The following ADARB2 variants were observed in gnomAD, a reference collection of about 807,000 sequenced individuals.
The protein encoded by ADARB2 is inactive double-stranded RNA-specific editase B2.
A neutral mutation model predicts 62.2 loss-of-function variants in ADARB2; 25 were observed. The ratio of observed to expected loss-of-function variants is 0.40; its 90% confidence interval spans 0.29 to 0.56. ADARB2 has a LOEUF of 0.56. Among genes scored for constraint, ADARB2 ranks in the 20% least tolerant of loss-of-function variants. The pLI is 0.43. For missense variants in ADARB2, 1,071 were observed against 1,077.4 expected (o/e 0.99, Z 0.08); for synonymous variants, 572 against 500.8 (o/e 1.14, Z -1.90).
chr10:1,207,808 C>T (rs1313113909), intron 7 of ADARB2, among the ~76,000 whole-genome samples: 1 of 152,194 alleles, frequency 6.6e-6, no homozygotes, highest in Non-Finnish European at 1.5e-5. Flanking sequence ...AACATTAGTT[C>T]CAGGAGATTT....
At chr10:1,490,821 A>C (rs571349749) in intron 1 of ADARB2, among the ~76,000 whole-genome samples, 1 of 152,262 alleles carries the variant, frequency 6.6e-6, no homozygotes, top group South Asian at 2.1e-4. Flanking sequence ...GAAAGTAAGA[A>C]TCCAGAGCTG....
chr10:1,413,439 T>C (rs984421358), intron 1 of ADARB2, among the ~76,000 whole-genome samples: 31 of 152,242 alleles, frequency 2.0e-4, no homozygotes, highest in Admixed American at 5.2e-4. Flanking sequence ...ACAAAAAACA[T>C]GTGGGTCCTA....
At chr10:1,381,947 A>T (rs1182371378) in intron 1 of ADARB2, among the ~76,000 whole-genome samples, 4 of 152,150 alleles carry the variant, frequency 2.6e-5, no homozygotes, top group Non-Finnish European at 5.9e-5. Flanking sequence ...ACTCTGGCTA[A>T]TAACATGTAT....
At chr10:1,318,419 C>T (rs74118225) in intron 3 of ADARB2, among the ~76,000 whole-genome samples, 2 of 152,144 alleles carry the variant, frequency 1.3e-5, no homozygotes, top group African/African-American at 2.4e-5. Context: ...TGGGCTGGGC[C>T]GGAGGGATGT....
chr10:1,485,781 C>T (rs1313394441), intron 1 of ADARB2, among the ~76,000 whole-genome samples: 5 of 152,226 alleles, frequency 3.3e-5, no homozygotes, highest in Non-Finnish European at 5.9e-5. Context: ...CATGTTCATT[C>T]CTCTGTCTCA....
intron 1 of ADARB2, among the ~76,000 whole-genome samples, chr10:1,567,539 T>C (rs774253342): frequency 7.2e-5 from 11 of 152,140 alleles, no homozygotes; most frequent in Non-Finnish European, 1.2e-4. Flanking sequence ...GCCCCCACTC[T>C]GAAGAGAAAA....
rs1362924009 is a variant in ADARB2 at position 1,398,874 on chromosome 10, C to A, written c.101-19714G>T. On this transcript the variant is annotated intron_variant, in intron 1 of 9. Coordinates refer to ENST00000381312, the MANE Select transcript of ADARB2 (RefSeq NM_018702.4). The surrounding 1 kb of genome is among the most constrained non-coding windows in gnomAD (Gnocchi z 4.1). ...CACGAGGTTGCTGGGGGAAACAGAC[C>A]GCTCTGTCTTTGGGGTCTTGATGGG... Among the ~76,000 whole-genome samples, 1 of 152,100 alleles carries A rather than the reference C, an allele frequency of 6.6e-6. No homozygotes were observed. Among genetic ancestry groups the A allele is most frequent in the African/African-American group, 2.4e-5 (1 of 41,422 alleles).
At chr10:1,300,531 T>C (rs1831563956) in intron 3 of ADARB2, among the ~76,000 whole-genome samples, 1 of 152,224 alleles carries the variant, frequency 6.6e-6, no homozygotes, top group African/African-American at 2.4e-5. Context: ...AAAATATCTT[T>C]CCTATGTTAC....
chr10:1,630,455 C>T (rs932482595), intron 1 of ADARB2, among the ~76,000 whole-genome samples: 2 of 152,064 alleles, frequency 1.3e-5, no homozygotes, highest in African/African-American at 4.8e-5. Context: ...TACCCTGTGC[C>T]CTGGTTACAG....
At chr10:1,198,507 C>T (rs1836939989) in intron 8 of ADARB2, among the ~76,000 whole-genome samples, 3 of 152,230 alleles carry the variant, frequency 2.0e-5, no homozygotes, top group Non-Finnish European at 4.4e-5. Context: ...GGGTTGCATG[C>T]AGGCAAGGTA....
chr10:1,626,263 G>A (rs11250677), intron 1 of ADARB2, among the ~76,000 whole-genome samples: 78 of 90,524 alleles, frequency 8.6e-4, no homozygotes, highest in African/African-American at 2.5e-3. Context: ...ATCTGCCCAT[G>A]CTCTCTCCTG....
chr10:1,351,290 G>C (rs111393328), intron 3 of ADARB2, among the ~76,000 whole-genome samples: 20 of 152,280 alleles, frequency 1.3e-4, no homozygotes, highest in African/African-American at 4.8e-4. Context: ...ACTCACAGTG[G>C]AAGGTAAGTC....
At chr10:1,430,988 T>C (rs1213206493) in intron 1 of ADARB2, among the ~76,000 whole-genome samples, 1 of 152,206 alleles carries the variant, frequency 6.6e-6, no homozygotes, top group Non-Finnish European at 1.5e-5. Flanking sequence ...AACACCCTAC[T>C]GTCAGTAATT....
rs150983282 is a variant in ADARB2 at position 1,427,528 on chromosome 10, T to C, written c.101-48368A>G. On this transcript the variant is annotated intron_variant, in intron 1 of 9. Transcript: ENST00000381312. ...GCAAATTAAAACTACAGTGAGATGT[T>C]ACCATATACCTGGCAGAATGGCTTG... Among the ~76,000 whole-genome samples, 1,502 of 152,334 alleles carry C rather than the reference T, an allele frequency of 9.9e-3. 22 individuals carry two copies. The highest frequency in any genetic ancestry group is 0.036 in the Admixed American group (544 of 15,294).
At chr10:1,557,883 G>A (rs1239607976) in intron 1 of ADARB2, among the ~76,000 whole-genome samples, 1 of 152,120 alleles carries the variant, frequency 6.6e-6, no homozygotes, top group Non-Finnish European at 1.5e-5. Context: ...AGCTGAGGTT[G>A]CGCCACTGCA....
chr10:1,585,435 C>T (rs1427967876), intron 1 of ADARB2, among the ~76,000 whole-genome samples: 2 of 152,148 alleles, frequency 1.3e-5, no homozygotes, highest in Non-Finnish European at 2.9e-5. Context: ...CAAGGAAATT[C>T]CCTGTGGACA....
At chr10:1,488,688 A>G (rs1012403095) in intron 1 of ADARB2, among the ~76,000 whole-genome samples, 4 of 152,186 alleles carry the variant, frequency 2.6e-5, no homozygotes, top group Non-Finnish European at 4.4e-5. Context: ...CGCTCCTCAC[A>G]CTGGAATATT....
At chr10:1,552,643 C>G (rs944104693) in intron 1 of ADARB2, among the ~76,000 whole-genome samples, 1 of 151,710 alleles carries the variant, frequency 6.6e-6, no homozygotes, top group Non-Finnish European at 1.5e-5. Context: ...GCCCGGCACT[C>G]AGCGAGGGGC....
intron 1 of ADARB2, among the ~76,000 whole-genome samples, chr10:1,718,005 G>A (rs1462151723): frequency 6.6e-6 from 1 of 152,064 alleles, no homozygotes; most frequent in Non-Finnish European, 1.5e-5. Flanking sequence ...TATAATGCAG[G>A]CACATCAAAC....
Sources: allele counts gnomAD v4.1 joint callset (sites outside exome capture counted in the v4.1 genomes callset), GRCh38; gene constraint gnomAD v4.1.1; non-coding constraint Gnocchi (gnomAD v3.1); transcripts MANE v1.5; gene names NCBI Gene and HGNC (gene_info 2026-07-23, HGNC 2026-07-21).